The following CEP85L variants were observed in gnomAD, a reference collection of about 807,000 sequenced individuals.
CEP85L encodes the protein centrosomal protein 85L.
A neutral mutation model predicts 100.3 loss-of-function variants in CEP85L; 60 were observed. That is an observed-to-expected ratio of 0.60 (90% CI 0.49 to 0.74). The LOEUF (loss-of-function observed/expected upper bound fraction) is 0.74, where lower values mean the gene tolerates loss of function less well. CEP85L is among the 30% of genes least tolerant of loss of function. The pLI is 0.00. For synonymous variants in CEP85L, 319 were observed against 322.7 expected, an observed-to-expected ratio of 0.99 and a Z score of 0.12; for missense variants, 973 against 936.2, an observed-to-expected ratio of 1.04 and a Z score of -0.51.
At position 118,617,750 on chromosome 6, in the gene CEP85L, G is replaced by A. The variant is rs1000126121; in HGVS notation, c.232+14703C>T. ...TATCTGTCACTCGCCATGGTCAGCCGCCACACCAATTCTTTGGCGTGGCTA... is the reference window on the plus strand; with the variant it reads ...TATCTGTCACTCGCCATGGTCAGCCACCACACCAATTCTTTGGCGTGGCTA... On this transcript the variant is annotated intron_variant, in intron 2 of 12. Coordinates refer to ENST00000368491, the MANE Select transcript of CEP85L (RefSeq NM_001042475.3). Among the ~76,000 whole-genome samples, 14 of 152,144 alleles carry A rather than the reference G, an allele frequency of 9.2e-5. No homozygotes were observed. In the South Asian group the frequency reaches 1.2e-3, roughly 14 times the overall value.
chr6:118,554,095 C>T (rs13192574), intron 3 of CEP85L, among the ~76,000 whole-genome samples: 70,565 of 151,920 alleles, frequency 0.46, 16,894 homozygotes, highest in Middle Eastern at 0.57. Context: ...TGAGACCAGC[C>T]TGTGCAGCAC....
intron 1 of CEP85L, among the ~76,000 whole-genome samples, chr6:118,643,900 T>C (rs1350428350): frequency 6.6e-6 from 1 of 152,174 alleles, no homozygotes; most frequent in Non-Finnish European, 1.5e-5. Context: ...CACTGTTCAG[T>C]GTAAGGAATC....
At chr6:118,542,917 A>AAAAAAAAAAAC (rs758286537) in intron 3 of CEP85L, among the ~76,000 whole-genome samples, 9 of 150,074 alleles carry the variant, frequency 6.0e-5, no homozygotes, top group Non-Finnish European at 1.0e-4. Flanking sequence ...AAAAAAAAAA[A>AAAAAAAAAAAC]AAAAAACAGG....
chr6:118,528,569 A>C (rs1308621106), intron 3 of CEP85L, among the ~76,000 whole-genome samples: 2 of 152,338 alleles, frequency 1.3e-5, no homozygotes, highest in East Asian at 3.9e-4. Flanking sequence ...TCCTTATGAT[A>C]GTCTTCCTTA....
At chr6:118,659,373 G>A (rs941255626) in intron 1 of CEP85L, among the ~76,000 whole-genome samples, 16 of 152,068 alleles carry the variant, frequency 1.1e-4, no homozygotes, top group South Asian at 6.2e-4. Flanking sequence ...CTTTATAATA[G>A]ACTTTATATT....
At chr6:118,526,818 A>G in intron 3 of CEP85L, among the ~76,000 whole-genome samples, 1 of 152,146 alleles carries the variant, frequency 6.6e-6, no homozygotes, top group Non-Finnish European at 1.5e-5. Flanking sequence ...TCCTTAAGTC[A>G]CCCTATATGG....
chr6:118,491,626 A>G, intron 6 of CEP85L, 60 bp downstream of exon 6: 3 of 1,564,870 alleles, frequency 1.9e-6, no homozygotes, highest in Non-Finnish European at 2.6e-6. Context: ...AATGACAGAC[A>G]AATAATTATA....
chr6:118,561,344 A>C (rs1322708799), intron 3 of CEP85L, among the ~76,000 whole-genome samples: 1 of 152,152 alleles, frequency 6.6e-6, no homozygotes, highest in Non-Finnish European at 1.5e-5. Flanking sequence ...GTTTGTTACA[A>C]TATTTTTCTC....
At chr6:118,514,538 A>AAG (rs200302690) in intron 4 of CEP85L, among the ~76,000 whole-genome samples, 22,123 of 148,088 alleles carry the variant, frequency 0.15, 1,965 homozygotes, top group Non-Finnish European at 0.19. Flanking sequence ...AAAAAAAAAA[A>AAG]AAAAAGAAAA....
At chr6:118,552,864 T>C (rs1245460866) in intron 3 of CEP85L, among the ~76,000 whole-genome samples, 2 of 152,032 alleles carry the variant, frequency 1.3e-5, no homozygotes, top group Non-Finnish European at 2.9e-5. Context: ...GACAGGAGTC[T>C]GGCATTTCTA....
At chr6:118,639,276 G>A (rs1215745214) in intron 1 of CEP85L, among the ~76,000 whole-genome samples, 1 of 152,118 alleles carries the variant, frequency 6.6e-6, no homozygotes, top group Non-Finnish European at 1.5e-5. Context: ...CTCCACTCAA[G>A]CCAGCCTCTA....
chr6:118,696,258 C>T (rs952565926), intron 1 of CEP85L, among the ~76,000 whole-genome samples: 11 of 151,102 alleles, frequency 7.3e-5, no homozygotes, highest in African/African-American at 2.7e-4. Flanking sequence ...GAGCGAGACT[C>T]TGTCTCAAAA....
chr6:118,618,749 G>A (rs921174097), intron 2 of CEP85L, among the ~76,000 whole-genome samples: 1 of 152,162 alleles, frequency 6.6e-6, no homozygotes, highest in Non-Finnish European at 1.5e-5. Context: ...TGGCCTAGAG[G>A]ACATCAACCA....
At chr6:118,563,008 G>A (rs976290087) in intron 3 of CEP85L, among the ~76,000 whole-genome samples, 1 of 152,108 alleles carries the variant, frequency 6.6e-6, no homozygotes, top group African/African-American at 2.4e-5. Context: ...TTCCCAAAAA[G>A]ACCAGACTGT....
intron 1 of CEP85L, among the ~76,000 whole-genome samples, chr6:118,640,198 C>G (rs1325424901): frequency 6.6e-6 from 1 of 152,156 alleles, no homozygotes. Flanking sequence ...TGCAGAATAT[C>G]TAGCTAAGAT....
chr6:118,709,680 G>A (rs965591003), intron 1 of CEP85L, among the ~76,000 whole-genome samples: 10 of 151,892 alleles, frequency 6.6e-5, no homozygotes, highest in Non-Finnish European at 8.8e-5. Flanking sequence ...TCAGGAGTAC[G>A]CAGAGTTCAC....
chr6:118,693,378 A>G (rs1044745573), intron 1 of CEP85L, among the ~76,000 whole-genome samples: 1 of 152,234 alleles, frequency 6.6e-6, no homozygotes, highest in Non-Finnish European at 1.5e-5. Flanking sequence ...TGACCCATAC[A>G]ATACTACTGG....
At chr6:118,563,803 T>G (rs1192083187) in intron 3 of CEP85L, among the ~76,000 whole-genome samples, 3 of 152,168 alleles carry the variant, frequency 2.0e-5, no homozygotes, top group African/African-American at 7.2e-5. Flanking sequence ...TGAAAGCTTT[T>G]AAAATAAAGA....
chr6:118,596,001 G>T (rs893959819), intron 2 of CEP85L, among the ~76,000 whole-genome samples: 3 of 152,086 alleles, frequency 2.0e-5, no homozygotes, highest in African/African-American at 7.2e-5. Context: ...ACATTATTTA[G>T]AAATTAATAT....
Sources: gnomAD v4.1 joint callset for allele counts (sites outside exome capture counted in the v4.1 genomes callset) on GRCh38, gnomAD v4.1.1 for gene constraint, MANE v1.5 for transcripts, NCBI Gene and HGNC (gene_info 2026-07-23, HGNC 2026-07-21) for gene names.